The following DNER variants were observed in gnomAD, a reference collection of about 807,000 sequenced individuals.
DNER encodes delta/notch like EGF repeat containing.
Under a neutral mutation model 78.2 loss-of-function variants are expected in DNER, and 33 were observed. The observed-to-expected ratio is 0.42, with a 90% CI of 0.32 to 0.56. DNER has a LOEUF of 0.56. Among genes scored for constraint, DNER ranks in the 20% least tolerant of loss-of-function variants. The probability of loss-of-function intolerance (pLI) is 0.11; values close to 1 mark genes in which losing one functional copy is unlikely to be tolerated. For missense variants in DNER, 918 were observed against 975.3 expected (o/e 0.94, Z 0.78); for synonymous variants, 417 against 384.8 (o/e 1.08, Z -0.98).
intron 1 of DNER, among the ~76,000 whole-genome samples, chr2:229,705,202 CCATAA>C (rs1402882600): frequency 1.3e-5 from 2 of 152,308 alleles, no homozygotes; most frequent in East Asian, 3.9e-4. Flanking sequence ...AGAATGTCTT[CCATAA>C]AGGAGTTTTA....
rs1369135748 is a variant in DNER, at chr2:229,709,474, T to C, written c.276+4674A>G. Among the ~76,000 whole-genome samples the C allele has an allele frequency of 2.0e-5, 3 of 152,044 alleles. No homozygotes were observed. In the East Asian group the frequency reaches 5.8e-4, roughly 29 times the overall value. On this transcript the variant is annotated intron_variant, in intron 1 of 12. Coordinates refer to ENST00000341772, the MANE Select transcript of DNER (RefSeq NM_139072.4). Reference sequence around the variant, plus strand: ...GTACATACTACAATGTGAGTTTGTGTGTGTCTGTGTGTGTGTGTGTGTTTG... The same window carrying C: ...GTACATACTACAATGTGAGTTTGTGCGTGTCTGTGTGTGTGTGTGTGTTTG...
intron 12 of DNER, among the ~76,000 whole-genome samples, chr2:229,365,955 T>G (rs987619108): frequency 2.0e-5 from 3 of 152,244 alleles, no homozygotes; most frequent in Non-Finnish European, 1.5e-5. Flanking sequence ...ACACATACTC[T>G]GCAAAAGTCA....
At chr2:229,394,049 C>T (rs999654211) in intron 10 of DNER, among the ~76,000 whole-genome samples, 10 of 151,900 alleles carry the variant, frequency 6.6e-5, no homozygotes, top group African/African-American at 1.5e-4. Context: ...TGCAACAAAC[C>T]CCAAGCAGGA....
At chr2:229,624,573 T>G (rs115367035) in intron 1 of DNER, among the ~76,000 whole-genome samples, 1 of 152,364 alleles carries the variant, frequency 6.6e-6, no homozygotes, top group African/African-American at 2.4e-5. Context: ...ACTAATGTTT[T>G]CCTACCTCCA....
rs775072382 is a variant in DNER, at chr2:229,366,884, G to A, written c.2091C>T (p.Ile697=). The A allele has an allele frequency of 6.2e-7, 1 of 1,614,176 alleles. No individual in the cohort carries two copies. The highest frequency in any genetic ancestry group is 1.7e-5 in the Admixed American group (1 of 60,016). Reference sequence around the variant, plus strand: ...CCCCCACAGCCAACCTGGCATGCCGGATGGATGCAATGGCATTGCTGAACT... The same window carrying A: ...CCCCCACAGCCAACCTGGCATGCCGAATGGATGCAATGGCATTGCTGAACT... ...DSEFSNAIAS[I]RHARFGKKSR... Residue 697 remains isoleucine, a synonymous_variant, in exon 12 of 13, where the codon ATC becomes ATT. Transcript: ENST00000341772.
At chr2:229,374,599 C>T (rs1692558576) in intron 11 of DNER, among the ~76,000 whole-genome samples, 1 of 152,056 alleles carries the variant, frequency 6.6e-6, no homozygotes, top group Non-Finnish European at 1.5e-5. Context: ...CTATTATTGC[C>T]TTCATTTTAT....
intron 1 of DNER, among the ~76,000 whole-genome samples, chr2:229,666,223 C>T (rs1242920520): frequency 6.6e-6 from 1 of 152,194 alleles, no homozygotes; most frequent in Non-Finnish European, 1.5e-5. Flanking sequence ...ACCCCTCCTG[C>T]TTTACTTTCC....
intron 4 of DNER, among the ~76,000 whole-genome samples, chr2:229,554,347 T>C (rs1214311958): frequency 6.6e-6 from 1 of 152,044 alleles, no homozygotes; most frequent in Non-Finnish European, 1.5e-5. Flanking sequence ...CACTCGAGCT[T>C]AGGAGTTCAA....
intron 7 of DNER, among the ~76,000 whole-genome samples, chr2:229,453,233 G>A (rs1694497889): frequency 6.6e-6 from 1 of 152,200 alleles, no homozygotes; most frequent in Non-Finnish European, 1.5e-5. Flanking sequence ...CAATTGTTAA[G>A]TGTTAATAAG....
chr2:229,564,478 C>A (rs1382843585), intron 4 of DNER, among the ~76,000 whole-genome samples: 1 of 140,814 alleles, frequency 7.1e-6, no homozygotes, highest in Admixed American at 7.2e-5. Context: ...CACCCCATCG[C>A]CATCATCATC....
intron 7 of DNER, among the ~76,000 whole-genome samples, chr2:229,466,887 A>G (rs1052881451): frequency 6.6e-6 from 1 of 152,214 alleles, no homozygotes; most frequent in Non-Finnish European, 1.5e-5. Flanking sequence ...AAGTGACCTC[A>G]AAGATGTTCA....
chr2:229,561,453 C>T (rs903677643), intron 4 of DNER, among the ~76,000 whole-genome samples: 10 of 152,140 alleles, frequency 6.6e-5, no homozygotes, highest in Non-Finnish European at 1.5e-5. Context: ...CAACTACCTT[C>T]CTACTTTATA....
intron 8 of DNER, among the ~76,000 whole-genome samples, chr2:229,429,167 G>C (rs924032422): frequency 2.0e-5 from 3 of 152,036 alleles, no homozygotes; most frequent in East Asian, 3.9e-4. Flanking sequence ...AGAGACAATG[G>C]GACACAGCAG....
At chr2:229,692,213 C>T (rs1447216379) in intron 1 of DNER, among the ~76,000 whole-genome samples, 1 of 152,176 alleles carries the variant, frequency 6.6e-6, no homozygotes, top group East Asian at 1.9e-4. Context: ...TGTAGAAGAA[C>T]CCTGATCTGA....
intron 4 of DNER, among the ~76,000 whole-genome samples, chr2:229,576,911 A>G (rs563389884): frequency 6.6e-6 from 1 of 152,256 alleles, no homozygotes; most frequent in African/African-American, 2.4e-5. Flanking sequence ...CACAGCCCCA[A>G]TCTGAGCTGG....
intron 10 of DNER, among the ~76,000 whole-genome samples, chr2:229,395,335 G>A (rs1186818730): frequency 6.6e-6 from 1 of 152,156 alleles, no homozygotes; most frequent in African/African-American, 2.4e-5. Context: ...ACAGAAACAT[G>A]CCCTACTATG....
At chr2:229,479,145 G>A (rs913205512) in intron 6 of DNER, among the ~76,000 whole-genome samples, 6 of 152,248 alleles carry the variant, frequency 3.9e-5, no homozygotes, top group Admixed American at 1.3e-4. Context: ...GGACATGATC[G>A]CATTCCTTTT....
chr2:229,358,772 G>A lies in DNER; in HGVS notation c.2103-121C>T, dbSNP rs1162572683. On this transcript the variant is annotated intron_variant, in intron 12 of 12. Coordinates refer to ENST00000341772, the MANE Select transcript of DNER (RefSeq NM_139072.4). ...TGAAACTGTAAAAACATATTCTATA[G>A]CAAGCATAGAAACTTTAGACATCCT... 3.8e-6 allele frequency: 3 copies of A among 784,164 alleles called. No homozygotes were observed. In the East Asian group the frequency reaches 8.2e-5, roughly 21 times the overall value. The allele number at this position is 784,164 out of a possible 1,614,324, so 48.6% of individuals were successfully genotyped here.
At chr2:229,643,793 C>T (rs769591714) in intron 1 of DNER, among the ~76,000 whole-genome samples, 1 of 152,202 alleles carries the variant, frequency 6.6e-6, no homozygotes, top group East Asian at 1.9e-4. Flanking sequence ...CATTTTCTTA[C>T]ATTTTATCTC....
Sources: allele counts gnomAD v4.1 joint callset (sites outside exome capture counted in the v4.1 genomes callset), GRCh38; gene constraint gnomAD v4.1.1; transcripts MANE v1.5; gene names NCBI Gene and HGNC (gene_info 2026-07-23, HGNC 2026-07-21).